CDK19: variants seen among roughly 807,000 people sequenced by gnomAD.
CDK19 encodes cyclin-dependent kinase 19.
In CDK19, 20 loss-of-function variants were observed where a neutral mutation model predicts 68.3. That is an observed-to-expected ratio of 0.29 (90% CI 0.21 to 0.43). The LOEUF (loss-of-function observed/expected upper bound fraction) is 0.43. Ranked by LOEUF, CDK19 falls within the 20% of genes least tolerant of loss-of-function variation. CDK19 has a pLI of 1.00. For missense variants in CDK19, 339 were observed against 623.5 expected (o/e 0.54, Z 4.86); for synonymous variants, 221 against 222.8 (o/e 0.99, Z 0.07).
intron 8 of CDK19, 134 bp downstream of exon 8, chr6:110,626,642 G>A (rs1475058866): frequency 1.4e-5 from 8 of 558,512 alleles, no homozygotes; most frequent in African/African-American, 3.9e-5. Context: ...TTACAAACAT[G>A]CCAGTGCCTT....
chr6:110,701,774 G>A (rs1484279031), intron 2 of CDK19, among the ~76,000 whole-genome samples: 2 of 152,068 alleles, frequency 1.3e-5, no homozygotes, highest in Admixed American at 6.6e-5. Flanking sequence ...CATCAATAAG[G>A]AACTGGTTGA....
At chr6:110,719,972 G>GCTCCCCCC (rs1554211507) in intron 2 of CDK19, among the ~76,000 whole-genome samples, 58 of 45,546 alleles carry the variant, frequency 1.3e-3, no homozygotes, top group Non-Finnish European at 1.6e-3. Context: ...CTTGTGATCC[G>GCTCCCCCC]CCCCCCCCCC....
chr6:110,651,968 A>T (rs540608944), intron 4 of CDK19, among the ~76,000 whole-genome samples: 2 of 152,176 alleles, frequency 1.3e-5, no homozygotes, highest in African/African-American at 4.8e-5. Context: ...AGTCGATGAA[A>T]GATTCTGTGA....
chr6:110,692,512 TAA>T (rs2031011699), intron 2 of CDK19, among the ~76,000 whole-genome samples: 1 of 151,568 alleles, frequency 6.6e-6, no homozygotes, highest in African/African-American at 2.4e-5. Context: ...AAGGTAAAAA[TAA>T]CTGGTGTTCC....
At chr6:110,760,561 CTACAAAAAAA>C (rs1562266137) in intron 1 of CDK19, among the ~76,000 whole-genome samples, 2 of 151,968 alleles carry the variant, frequency 1.3e-5, no homozygotes, top group Non-Finnish European at 2.9e-5. Context: ...GACCCTGTCG[CTACAAAAAAA>C]TACAAAAATG....
At chr6:110,653,399 T>G (rs1254381651) in intron 4 of CDK19, among the ~76,000 whole-genome samples, 1 of 152,156 alleles carries the variant, frequency 6.6e-6, no homozygotes, top group Non-Finnish European at 1.5e-5. Context: ...CATACACACC[T>G]TCACCCACAT....
chr6:110,701,127 C>T (rs1382436895), intron 2 of CDK19, among the ~76,000 whole-genome samples: 1 of 152,056 alleles, frequency 6.6e-6, no homozygotes, highest in African/African-American at 2.4e-5. Flanking sequence ...TTCCTAGAAC[C>T]TGAGAGGCGG....
At chr6:110,776,377 C>T (rs980495879) in intron 1 of CDK19, among the ~76,000 whole-genome samples, 3 of 151,230 alleles carry the variant, frequency 2.0e-5, no homozygotes, top group African/African-American at 7.3e-5. Context: ...TGCAGTGAGC[C>T]GAGATCGTGC....
chr6:110,620,012 T>A lies in CDK19; in HGVS notation c.1377+1092A>T, dbSNP rs191755565. 6.6e-5 allele frequency among the ~76,000 whole-genome samples: 10 copies of A among 152,326 alleles called. No individual in the cohort carries two copies. In the East Asian group the frequency reaches 1.7e-3, roughly 26 times the overall value. ...TATAATGGAGGGGAAACAGATTTTA[T>A]AACAAAATTCAAATATGCTCATGCT... On this transcript the variant is annotated intron_variant, in intron 12 of 12. Transcript: ENST00000368911.
rs4409214 is a variant in CDK19 at position 110,753,061 on chromosome 6, T to C, written c.129-6860A>G. On this transcript the variant is annotated intron_variant, in intron 1 of 12. Transcript: ENST00000368911. The stretch of plus-strand genomic sequence containing the variant: ...CTCCCACCTCAGCCTCCCAAGTAGC[T>C]GGAATTACAGGCATGCTCCACCACA... 5.9e-4 allele frequency among the ~76,000 whole-genome samples: 90 copies of C among 152,130 alleles called. 2 individuals are homozygous for C. The East Asian group carries it at 0.013, about 22-fold the overall frequency.
chr6:110,632,004 T>C (rs777962253), intron 6 of CDK19, 26 bp downstream of exon 6: 32 of 1,582,500 alleles, frequency 2.0e-5, no homozygotes, highest in African/African-American at 2.7e-5. Flanking sequence ...GATGACAAGA[T>C]AGTAAATCAT....
At chr6:110,735,659 T>C (rs759005873) in intron 2 of CDK19, among the ~76,000 whole-genome samples, 4 of 152,228 alleles carry the variant, frequency 2.6e-5, no homozygotes, top group Non-Finnish European at 5.9e-5. Context: ...CAGACTGAGA[T>C]ATTTAATTCC....
chr6:110,630,555 A>C (rs1406791545), intron 6 of CDK19, among the ~76,000 whole-genome samples: 1 of 152,210 alleles, frequency 6.6e-6, no homozygotes, highest in Non-Finnish European at 1.5e-5. Flanking sequence ...AGTAAAAGTC[A>C]CTGGTTGGAA....
intron 1 of CDK19, among the ~76,000 whole-genome samples, chr6:110,781,757 T>C (rs904101719): frequency 1.3e-5 from 2 of 151,852 alleles, no homozygotes; most frequent in African/African-American, 4.8e-5. Flanking sequence ...GGTGGGAGGA[T>C]TGCTTGAGCT....
intron 1 of CDK19, among the ~76,000 whole-genome samples, chr6:110,793,704 A>G (rs1781748396): frequency 6.6e-6 from 1 of 152,224 alleles, no homozygotes; most frequent in Non-Finnish European, 1.5e-5. Context: ...TCTAATCCAT[A>G]GAAGGCATTT....
intron 5 of CDK19, among the ~76,000 whole-genome samples, chr6:110,633,610 T>C (rs1176692947): frequency 6.6e-6 from 1 of 151,414 alleles, no homozygotes; most frequent in Non-Finnish European, 1.5e-5. Flanking sequence ...ATTGGGGGTA[T>C]ATAAAAGTAA....
At chr6:110,800,226 A>G (rs1187116893) in intron 1 of CDK19, among the ~76,000 whole-genome samples, 1 of 152,184 alleles carries the variant, frequency 6.6e-6, no homozygotes, top group Non-Finnish European at 1.5e-5. Context: ...TCATGTTAGA[A>G]AGACACAATC....
At chr6:110,783,271 G>A (rs1436527982) in intron 1 of CDK19, among the ~76,000 whole-genome samples, 1 of 152,174 alleles carries the variant, frequency 6.6e-6, no homozygotes, top group Non-Finnish European at 1.5e-5. Context: ...TTTTCGGAGT[G>A]TAATAGCTTT....
intron 1 of CDK19, chr6:110,814,483 C>T (rs1783409265): frequency 2.6e-6 from 1 of 389,980 alleles, no homozygotes; most frequent in Non-Finnish European, 5.0e-6. Flanking sequence ...CTGCTGGGGG[C>T]GGCGGTGCCC....
Sources: gnomAD v4.1 joint callset for allele counts (sites outside exome capture counted in the v4.1 genomes callset) on GRCh38, gnomAD v4.1.1 for gene constraint, MANE v1.5 for transcripts, NCBI Gene and HGNC (gene_info 2026-07-23, HGNC 2026-07-21) for gene names.